The following RADIL variants were observed in gnomAD, a reference collection of about 807,000 sequenced individuals.
The protein encoded by RADIL is ras-associating and dilute domain-containing protein.
In RADIL, 99 loss-of-function variants were observed where a neutral mutation model predicts 97.6. The observed-to-expected ratio is 1.01, with a 90% CI of 0.86 to 1.20. The LOEUF is 1.20. RADIL is among the 50% of genes most tolerant of loss of function. The probability of loss-of-function intolerance (pLI) is 0.00; values close to 1 mark genes in which losing one functional copy is unlikely to be tolerated. For missense variants in RADIL, 1,765 were observed against 1,498.9 expected (o/e 1.18, Z -2.93); for synonymous variants, 803 against 691.8 (o/e 1.16, Z -2.52).
rs1212796341 is a variant in RADIL at position 4,834,476 on chromosome 7, C to A, written c.1416+131G>T. 2 of 1,097,692 alleles carry A rather than the reference C, an allele frequency of 1.8e-6. No individual in the cohort carries two copies. The highest frequency in any genetic ancestry group is 3.3e-5 in the African/African-American group (2 of 61,504). The allele number at this position is 1,097,692 out of a possible 1,614,324, so 68.0% of individuals were successfully genotyped here. ...GGCAGCGACAGGCAGGGAAAGGCCG[C>A]CCTGCGCTCAGCAGCACAGCACCGT... On this transcript the variant is annotated intron_variant, in intron 4 of 14. Coordinates refer to ENST00000399583, the MANE Select transcript of RADIL (RefSeq NM_018059.5). This position sits in a 1 kb window ranked among gnomAD's most constrained non-coding sequence, Gnocchi z 6.0.
rs776787702 is a variant in RADIL, at chr7:4,801,804, C to T, written c.2691G>A (p.Thr897=). ...GAGGCGTGAGCAAGCAGGACGAGTC[C>T]GTGTGCGGGGGGCCAGCCTGGGAGC... The part of the protein sequence containing the change: ...RGGSQAGPPH[T]DSSCLLTPPS... Residue 897 remains threonine, a synonymous_variant, in exon 12 of 15, where the codon ACG becomes ACA. Coordinates refer to ENST00000399583, the MANE Select transcript of RADIL (RefSeq NM_018059.5). The T allele has an allele frequency of 9.3e-6, 15 of 1,606,390 alleles. No homozygotes were observed. The highest frequency in any genetic ancestry group is 4.4e-5 in the South Asian group (4 of 90,420).
At chr7:4,876,955 C>T (rs1052746686) in intron 2 of RADIL, among the ~76,000 whole-genome samples, 2 of 152,316 alleles carry the variant, frequency 1.3e-5, no homozygotes, top group African/African-American at 2.4e-5. Flanking sequence ...CCGACAAGGT[C>T]GCAGGTGCTA....
chr7:4,861,834 G>A lies in RADIL; in HGVS notation c.535+15771C>T, dbSNP rs781683228. 16 of 1,268,420 alleles carry A rather than the reference G, an allele frequency of 1.3e-5. No individual in the cohort carries two copies. In the South Asian group the frequency reaches 2.1e-4, roughly 17 times the overall value. The allele number at this position is 1,268,420 out of a possible 1,614,324, so 78.6% of individuals were successfully genotyped here. The stretch of plus-strand genomic sequence containing the variant: ...ATCTTTCAGCGCCCGCCCCGCCAGG[G>A]CACGTCCCCCACCACCGCGACCTTC... On this transcript the variant is annotated intron_variant, in intron 2 of 14. Transcript: ENST00000399583.
intron 2 of RADIL, among the ~76,000 whole-genome samples, chr7:4,841,245 C>A (rs191712851): frequency 0.04 from 6,026 of 152,288 alleles, 372 homozygotes; most frequent in African/African-American, 0.14. Context: ...TCTTCAAGGA[C>A]CCCTGGGAAT....
At position 4,880,686 on chromosome 7, in the gene RADIL, G is replaced by A. The variant is rs1784465414; in HGVS notation, c.-64-2483C>T. On this transcript the variant is annotated intron_variant, in intron 1 of 14. Transcript: ENST00000399583. This position sits in a 1 kb window ranked among gnomAD's most constrained non-coding sequence, Gnocchi z 4.5. ...CAGGGTGCAAAGGCAAAGTGCAGGT[G>A]GTGGATGGTACAGCCTCTGCCACCA... Among the ~76,000 whole-genome samples the A allele has an allele frequency of 6.6e-6, 1 of 152,216 alleles. No individual in the cohort carries two copies. The highest frequency in any genetic ancestry group is 1.5e-5 in the Non-Finnish European group (1 of 68,034).
chr7:4,799,901 C>A, intron 13 of RADIL, 132 bp from the exon 14 acceptor site: 2 of 1,329,834 alleles, frequency 1.5e-6, no homozygotes, highest in Non-Finnish European at 2.0e-6. Context: ...TGGTTTCACG[C>A]GTCCCTCCAG....
intron 5 of RADIL, among the ~76,000 whole-genome samples, chr7:4,831,828 C>T (rs962262222): frequency 2.0e-5 from 3 of 152,106 alleles, no homozygotes; most frequent in Non-Finnish European, 4.4e-5. Context: ...GTGTAGGTTG[C>T]TGTGAGCAGA....
intron 2 of RADIL, among the ~76,000 whole-genome samples, chr7:4,863,323 T>C (rs529339380): frequency 1.3e-5 from 2 of 152,392 alleles, no homozygotes; most frequent in South Asian, 2.1e-4. Context: ...AACATACTTA[T>C]TTAGTACTCT....
chr7:4,870,830 A>G (rs1311185079), intron 2 of RADIL, among the ~76,000 whole-genome samples: 1 of 152,108 alleles, frequency 6.6e-6, no homozygotes, highest in Non-Finnish European at 1.5e-5. Context: ...GTGGCCCCTT[A>G]TGGAACGTAG....
intron 10 of RADIL, chr7:4,805,337 G>A: frequency 2.1e-6 from 1 of 466,340 alleles, no homozygotes; most frequent in Non-Finnish European, 3.7e-6. Flanking sequence ...TGGAACTTGG[G>A]CATGGACTCT....
At chr7:4,856,702 T>C (rs1028955684) in intron 2 of RADIL, among the ~76,000 whole-genome samples, 5 of 152,270 alleles carry the variant, frequency 3.3e-5, no homozygotes, top group Non-Finnish European at 7.3e-5. Flanking sequence ...GTATGTTAAA[T>C]ATTACTTTTG....
intron 2 of RADIL, chr7:4,861,767 G>T (rs1431476543): frequency 2.0e-6 from 3 of 1,485,890 alleles, no homozygotes; most frequent in Non-Finnish European, 2.7e-6. Context: ...CGGCGGCGGC[G>T]CCGGCTGCGG....
At chr7:4,851,781 T>C (rs1393672423) in intron 2 of RADIL, among the ~76,000 whole-genome samples, 1 of 152,138 alleles carries the variant, frequency 6.6e-6, no homozygotes. Flanking sequence ...CTGGACAAGT[T>C]TGAAAATGCG....
At position 4,815,272 on chromosome 7, in the gene RADIL, C is replaced by A; in HGVS notation, c.2139+6G>T. On this transcript the variant is annotated splice_donor_region_variant and intron_variant, in intron 9 of 14. Transcript: ENST00000399583. This position sits in a 1 kb window ranked among gnomAD's most constrained non-coding sequence, Gnocchi z 8.0. ...CACACTCGCCGCCTCCCATGCGCAC[C>A]CCTACCTGGATGAGCTGGGCCCTGG... 1 of 1,551,136 alleles carries A rather than the reference C, an allele frequency of 6.4e-7. No homozygotes were observed.
At chr7:4,799,591 T>C in intron 14 of RADIL, 39 bp downstream of exon 14, 1 of 1,606,836 alleles carries the variant, frequency 6.2e-7, no homozygotes, top group Non-Finnish European at 8.5e-7. Flanking sequence ...GAGCAGGGCA[T>C]CTGGGAGAAG....
chr7:4,818,340 G>T lies in RADIL; in HGVS notation c.1616-989C>A, dbSNP rs1020816416. ...CTGCACCGGAGGCCGGCCCACTCAT[G>T]GCCAGGACAATGGTGCGCCAAGCCC... On this transcript the variant is annotated intron_variant, in intron 6 of 14. Coordinates refer to ENST00000399583, the MANE Select transcript of RADIL (RefSeq NM_018059.5). This position sits in a 1 kb window ranked among gnomAD's most constrained non-coding sequence, Gnocchi z 7.1. 2.6e-5 allele frequency among the ~76,000 whole-genome samples: 4 copies of T among 152,180 alleles called. No individual in the cohort carries two copies. Among genetic ancestry groups the T allele is most frequent in the African/African-American group, 9.6e-5 (4 of 41,454 alleles).
In RADIL at chr7:4,824,065, A is replaced by G. The variant is rs760321265; in HGVS notation, c.1455-1511T>C. 5.3e-5 allele frequency among the ~76,000 whole-genome samples: 8 copies of G among 152,236 alleles called. No individual in the cohort carries two copies. The highest frequency in any genetic ancestry group is 7.3e-5 in the Non-Finnish European group (5 of 68,042). On this transcript the variant is annotated intron_variant, in intron 5 of 14. Coordinates refer to ENST00000399583, the MANE Select transcript of RADIL (RefSeq NM_018059.5). This position sits in a 1 kb window ranked among gnomAD's most constrained non-coding sequence, Gnocchi z 6.7. ...GAGCAGAAGGCCGTGTGTGCCCCTGAGCAGTGAGCAGAAGGGATCCTTTTG... is the reference window on the plus strand; with the variant it reads ...GAGCAGAAGGCCGTGTGTGCCCCTGGGCAGTGAGCAGAAGGGATCCTTTTG...
intron 11 of RADIL, among the ~76,000 whole-genome samples, 158 bp downstream of exon 11, chr7:4,803,388 C>T (rs1298983586): frequency 7.8e-6 from 1 of 128,134 alleles, no homozygotes; most frequent in Non-Finnish European, 1.6e-5. Context: ...GGCCCCCTCC[C>T]CGGGCACCTC....
rs182348913 is a variant in RADIL, at chr7:4,873,171, G to C, written c.535+4434C>G. 6.6e-5 allele frequency among the ~76,000 whole-genome samples: 10 copies of C among 152,264 alleles called. No homozygotes were observed. The East Asian group carries it at 1.7e-3, about 26-fold the overall frequency. ...TGGTCTTGAACTCCTGACTTCAATT[G>C]ATCTGCCTGCCTCGGCCTCCCAAAG... is the stretch of plus-strand genomic sequence containing the variant. On this transcript the variant is annotated intron_variant, in intron 2 of 14. Transcript: ENST00000399583. This position sits in a 1 kb window ranked among gnomAD's most constrained non-coding sequence, Gnocchi z 4.3.
Sources: allele counts gnomAD v4.1 joint callset (sites outside exome capture counted in the v4.1 genomes callset), GRCh38; gene constraint gnomAD v4.1.1; non-coding constraint Gnocchi (gnomAD v3.1); transcripts MANE v1.5; gene names NCBI Gene and HGNC (gene_info 2026-07-23, HGNC 2026-07-21).